The following SPMIP8 variants were observed in gnomAD, a reference collection of about 807,000 sequenced individuals.
SPMIP8 encodes the protein sperm microtubule inner protein 8.
the SPMIP8 span, among the ~76,000 whole-genome samples, chr16:57,983,624 A>AT: frequency 1.3e-5 from 2 of 151,924 alleles, no homozygotes; most frequent in African/African-American, 4.8e-5. Flanking sequence ...ATTAAAAAAA[A>AT]ATTTTTTAAG....
At chr16:57,982,993 G>A in the SPMIP8 span, among the ~76,000 whole-genome samples, 1 of 152,112 alleles carries the variant, frequency 6.6e-6, no homozygotes, top group Non-Finnish European at 1.5e-5. Context: ...CCGCGCCACT[G>A]TACTCCAGCC....
At chr16:57,985,118 CTGGA>C in the SPMIP8 span, 7 of 1,327,042 alleles carry the variant, frequency 5.3e-6, no homozygotes, top group Non-Finnish European at 6.9e-6. Context: ...GTGGGCGGGG[CTGGA>C]TTGTGGGCGG....
the SPMIP8 span, among the ~76,000 whole-genome samples, chr16:57,981,395 T>TTATTATTATAATAATAATAATA: frequency 7.8e-6 from 1 of 127,804 alleles, no homozygotes; most frequent in Non-Finnish European, 1.7e-5. Context: ...TAATAATAAT[T>TTATTATTATAATAATAATAATA]ATTATTATTA....
At chr16:57,978,605 C>T in the SPMIP8 span, among the ~76,000 whole-genome samples, 18 of 151,954 alleles carry the variant, frequency 1.2e-4, no homozygotes, top group Non-Finnish European at 2.5e-4. Flanking sequence ...TTGCTGATGC[C>T]ATTGTTGTTA....
At chr16:57,985,496 G>C in the SPMIP8 span, 325 of 1,613,502 alleles carry the variant, frequency 2.0e-4, 1 homozygote, top group Non-Finnish European at 2.5e-4. Flanking sequence ...GCCTCAGCCA[G>C]AACCCCAGCC....
the SPMIP8 span, among the ~76,000 whole-genome samples, chr16:57,979,385 C>T: frequency 1.4e-3 from 214 of 152,278 alleles, no homozygotes; most frequent in Non-Finnish European, 2.4e-3. Flanking sequence ...GGAAAAGGGG[C>T]ACCCACACCT....
At chr16:57,981,617 T>C in the SPMIP8 span, among the ~76,000 whole-genome samples, 1 of 147,852 alleles carries the variant, frequency 6.8e-6, no homozygotes, top group South Asian at 2.2e-4. Context: ...GTTCAAGTGA[T>C]TCTCCTGCCT....
the SPMIP8 span, chr16:57,984,217 A>C: frequency 7.0e-7 from 1 of 1,433,052 alleles, no homozygotes; most frequent in South Asian, 1.1e-5. Flanking sequence ...AAAAATTTTT[A>C]AAGTACAGTG....
chr16:57,977,560 A>T, the SPMIP8 span, among the ~76,000 whole-genome samples: 4 of 132,638 alleles, frequency 3.0e-5, no homozygotes, highest in Non-Finnish European at 6.2e-5. Flanking sequence ...GCACAATGTG[A>T]GTGTGTGTGT....
the SPMIP8 span, among the ~76,000 whole-genome samples, chr16:57,981,828 A>C: frequency 6.6e-6 from 1 of 152,030 alleles, no homozygotes; most frequent in Admixed American, 6.6e-5. Flanking sequence ...TTTAACATTA[A>C]TGCTGGTCAT....
the SPMIP8 span, chr16:57,984,345 A>G: frequency 1.9e-6 from 3 of 1,614,182 alleles, no homozygotes; most frequent in Middle Eastern, 1.6e-4. Context: ...GGGGTCCCCA[A>G]CAAACCCCTG....
chr16:57,985,396 T>G, the SPMIP8 span: 1 of 1,609,346 alleles, frequency 6.2e-7, no homozygotes, highest in Non-Finnish European at 8.5e-7. Flanking sequence ...GACCACGGTC[T>G]CTAGCAGGAA....
At chr16:57,977,806 GC>G in the SPMIP8 span, 9 of 1,608,976 alleles carry the variant, frequency 5.6e-6, no homozygotes, top group Non-Finnish European at 7.6e-6. Flanking sequence ...AGAACCCTCT[GC>G]CCCCCAGCTA....
the SPMIP8 span, chr16:57,987,581 C>A: frequency 7.3e-6 from 6 of 824,062 alleles, no homozygotes; most frequent in South Asian, 1.6e-4. Flanking sequence ...ACGCAATTGT[C>A]TCTGTCTGTG....
the SPMIP8 span, chr16:57,985,352 G>A: frequency 6.3e-7 from 1 of 1,576,504 alleles, no homozygotes; most frequent in Middle Eastern, 1.7e-4. Context: ...GTTGAGGGGG[G>A]AGGAGACCCA....
chr16:57,982,719 T>C, the SPMIP8 span, among the ~76,000 whole-genome samples: 2 of 152,182 alleles, frequency 1.3e-5, no homozygotes, highest in Admixed American at 1.3e-4. Flanking sequence ...ACAGTCTATG[T>C]TTAGTCTACC....
chr16:57,985,161 T>TG, the SPMIP8 span: 2,353 of 1,435,172 alleles, frequency 1.6e-3, 19 homozygotes, highest in East Asian at 0.043. Flanking sequence ...GGGCTTGTCC[T>TG]GGGGGGGGGC....
the SPMIP8 span, chr16:57,984,874 G>C: frequency 1.3e-6 from 2 of 1,506,270 alleles, no homozygotes; most frequent in Non-Finnish European, 1.8e-6. Flanking sequence ...AGCAGGGAAC[G>C]TGGACTGCGG....
At chr16:57,976,566 A>G in the SPMIP8 span, 3 of 1,614,212 alleles carry the variant, frequency 1.9e-6, no homozygotes, top group Non-Finnish European at 2.5e-6. Context: ...TTGAGCAGTC[A>G]AAGAACTGAA....
Sources: allele counts gnomAD v4.1 joint callset (sites outside exome capture counted in the v4.1 genomes callset), GRCh38; gene constraint gnomAD v4.1.1; transcripts MANE v1.5; gene names NCBI Gene and HGNC (gene_info 2026-07-23, HGNC 2026-07-21).